Variants in MEIS2 observed in about 807,000 individuals in gnomAD.
The protein encoded by MEIS2 is homeobox protein Meis2.
In MEIS2, 9 loss-of-function variants were observed where a neutral mutation model predicts 58.6. The ratio of observed to expected loss-of-function variants is 0.15; its 90% CI spans 0.09 to 0.27. The LOEUF is 0.27. Among genes scored for constraint, MEIS2 ranks in the 10% least tolerant of loss-of-function variants. MEIS2 has a pLI of 1.00. For missense variants in MEIS2, 427 were observed against 635.0 expected (o/e 0.67, Z 3.52); for synonymous variants, 221 against 228.4 (o/e 0.97, Z 0.29).
chr15:37,096,614 C>T (rs1567296088), intron 2 of MEIS2, 184 bp from the exon 3 acceptor site: 2 of 614,274 alleles, frequency 3.3e-6, no homozygotes, highest in East Asian at 6.7e-5. Context: ...GGGAAAAGGG[C>T]CTGGCCCTCT....
At chr15:36,958,226 G>C (rs928243882) in intron 8 of MEIS2, among the ~76,000 whole-genome samples, 11 of 152,134 alleles carry the variant, frequency 7.2e-5, no homozygotes, top group Admixed American at 6.5e-4. Context: ...TCATTAAAAA[G>C]AGCAAAGAGA....
chr15:37,031,512 G>T (rs920519711), intron 8 of MEIS2, among the ~76,000 whole-genome samples: 1 of 150,538 alleles, frequency 6.6e-6, no homozygotes, highest in Non-Finnish European at 1.5e-5. Context: ...GAACTCGGTG[G>T]AGAGACAGGT....
intron 8 of MEIS2, among the ~76,000 whole-genome samples, chr15:36,962,007 A>G (rs1286295438): frequency 1.3e-5 from 2 of 152,230 alleles, no homozygotes; most frequent in African/African-American, 4.8e-5. Context: ...TCTCCACAAA[A>G]ACAGAACCTT....
intron 11 of MEIS2, chr15:36,894,576 G>A (rs1237607092): frequency 9.8e-6 from 6 of 609,170 alleles, no homozygotes; most frequent in Non-Finnish European, 1.7e-5. Flanking sequence ...AGAGATGGGT[G>A]ATATATATTT....
At chr15:36,975,056 T>C (rs1243002024) in intron 8 of MEIS2, among the ~76,000 whole-genome samples, 4 of 152,204 alleles carry the variant, frequency 2.6e-5, no homozygotes, top group African/African-American at 4.8e-5. Context: ...TTTAAACACC[T>C]ACCATATGTT....
intron 7 of MEIS2, chr15:37,050,787 T>A (rs1596015550): frequency 1.3e-5 from 2 of 152,248 alleles, no homozygotes; most frequent in East Asian, 3.9e-4. Flanking sequence ...ATAAAACAGA[T>A]CTTGTGTTGA....
chr15:37,046,264 C>G (rs773021159), intron 7 of MEIS2, among the ~76,000 whole-genome samples: 2 of 152,188 alleles, frequency 1.3e-5, no homozygotes, highest in African/African-American at 2.4e-5. Context: ...GAGAAGGCAA[C>G]AAACTGCTCA....
At chr15:37,037,078 C>T in intron 7 of MEIS2, 119 bp from the exon 8 acceptor site, 1 of 986,648 alleles carries the variant, frequency 1.0e-6, no homozygotes, top group Non-Finnish European at 1.4e-6. Context: ...AGTATATTCT[C>T]TTTCATTAAA....
At chr15:37,034,308 T>C (rs1354029924) in intron 8 of MEIS2, among the ~76,000 whole-genome samples, 1 of 152,102 alleles carries the variant, frequency 6.6e-6, no homozygotes. Context: ...TTAACTGAGG[T>C]TCAGCCAGTA....
At chr15:37,047,821 C>T (rs530182709) in intron 7 of MEIS2, among the ~76,000 whole-genome samples, 1 of 152,284 alleles carries the variant, frequency 6.6e-6, no homozygotes, top group Non-Finnish European at 1.5e-5. Flanking sequence ...AATTTTGGCA[C>T]CTTTGCTAGA....
At chr15:37,023,529 C>T (rs939180809) in intron 8 of MEIS2, among the ~76,000 whole-genome samples, 3 of 152,188 alleles carry the variant, frequency 2.0e-5, no homozygotes, top group African/African-American at 7.2e-5. Flanking sequence ...GAAAGATTAT[C>T]TCATTGGAAT....
chr15:36,892,167 C>CT lies in MEIS2; in HGVS notation c.*5dup, dbSNP rs2055894094. 6.2e-7 allele frequency: 1 copy of CT among 1,613,910 alleles called. No homozygotes were observed. The highest frequency in any genetic ancestry group is 1.3e-5 in the African/African-American group (1 of 74,908). ...TGTGTTTCCTTTTCCCTTGAGTTCC[C>CT]TTATACTATTGGGCATGAATGTCCA... is the stretch of plus-strand genomic sequence containing the variant. On this transcript the variant is annotated 3_prime_UTR_variant, in exon 12 of 12. Coordinates refer to ENST00000561208, the MANE Select transcript of MEIS2 (RefSeq NM_170675.5).
At chr15:37,026,724 C>A (rs1275586647) in intron 8 of MEIS2, among the ~76,000 whole-genome samples, 1 of 152,090 alleles carries the variant, frequency 6.6e-6, no homozygotes. Context: ...CTCTTCATTT[C>A]TTGTCATCGC....
intron 8 of MEIS2, among the ~76,000 whole-genome samples, chr15:36,995,614 T>G (rs1210925375): frequency 1.4e-5 from 2 of 147,580 alleles, no homozygotes; most frequent in Non-Finnish European, 3.0e-5. Context: ...CATTAGGGTT[T>G]TTTTTTTTCT....
At chr15:37,062,385 T>C (rs1346305804) in intron 7 of MEIS2, among the ~76,000 whole-genome samples, 3 of 152,224 alleles carry the variant, frequency 2.0e-5, no homozygotes, top group East Asian at 3.8e-4. Flanking sequence ...CCTCCTTCTA[T>C]GTCAAAACTT....
intron 8 of MEIS2, among the ~76,000 whole-genome samples, chr15:37,007,702 A>G (rs2060973651): frequency 6.6e-6 from 1 of 152,236 alleles, no homozygotes; most frequent in Non-Finnish European, 1.5e-5. Context: ...ACACTTGGGG[A>G]CCACTGATTT....
rs1041910941 is a variant in MEIS2 at position 37,100,121 on chromosome 15, T to C, written c.-655A>G. Reference sequence around the variant, plus strand: ...AGCTTTGCCCCCGCGGTATCTATAATACGATCCTCTCTCTTTAAAGTATTG... The same window carrying C: ...AGCTTTGCCCCCGCGGTATCTATAACACGATCCTCTCTCTTTAAAGTATTG... On this transcript the variant is annotated 5_prime_UTR_variant, in exon 1 of 12. Coordinates refer to ENST00000561208, the MANE Select transcript of MEIS2 (RefSeq NM_170675.5). 5.7e-5 allele frequency: 8 copies of C among 140,182 alleles called. No individual in the cohort carries two copies. In the Admixed American group the frequency reaches 5.9e-4, roughly 10 times the overall value. The allele number at this position is 140,182 out of a possible 1,614,324, so 8.7% of individuals were successfully genotyped here. A position where few individuals can be genotyped will look rare whatever the true frequency, so the allele number is the denominator to read the frequency against.
intron 6 of MEIS2, among the ~76,000 whole-genome samples, chr15:37,086,244 G>C (rs1892867935): frequency 6.6e-6 from 1 of 152,138 alleles, no homozygotes; most frequent in Non-Finnish European, 1.5e-5. Flanking sequence ...TATGAAGCCG[G>C]AGCAAGTCTT....
chr15:37,074,361 A>G (rs1891097500), intron 7 of MEIS2, among the ~76,000 whole-genome samples: 4 of 152,044 alleles, frequency 2.6e-5, no homozygotes, highest in Admixed American at 2.6e-4. Context: ...AAACAGAAAT[A>G]TTACTTCACT....
Sources: allele counts gnomAD v4.1 joint callset (sites outside exome capture counted in the v4.1 genomes callset), GRCh38; gene constraint gnomAD v4.1.1; transcripts MANE v1.5; gene names NCBI Gene and HGNC (gene_info 2026-07-23, HGNC 2026-07-21).